The following VWC2L variants were observed in gnomAD, a reference collection of about 807,000 sequenced individuals.
VWC2L encodes the protein von Willebrand factor C domain containing 2 like, also known as von Willebrand factor C domain-containing protein 2-like.
VWC2L carries 10 observed loss-of-function variants against 21.6 expected under a neutral mutation model. The observed-to-expected ratio is 0.46, with a 90% confidence interval of 0.29 to 0.78. VWC2L has a LOEUF of 0.78. Among genes scored for constraint, VWC2L ranks in the 30% least tolerant of loss-of-function variants. The pLI is 0.10. For missense variants in VWC2L, 209 were observed against 277.1 expected (o/e 0.75, Z 1.74); for synonymous variants, 96 against 94.3 (o/e 1.02, Z -0.10).
At chr2:214,562,779 G>A (rs1405033193) in intron 3 of VWC2L, among the ~76,000 whole-genome samples, 2 of 152,164 alleles carry the variant, frequency 1.3e-5, no homozygotes, top group Non-Finnish European at 2.9e-5. Flanking sequence ...TTTGAGAAGT[G>A]TCTGTTCACG....
intron 3 of VWC2L, among the ~76,000 whole-genome samples, chr2:214,448,710 T>A (rs1385860443): frequency 6.6e-6 from 1 of 152,234 alleles, no homozygotes; most frequent in Non-Finnish European, 1.5e-5. Context: ...TCATTCTCAA[T>A]GATTTATCAA....
At chr2:214,508,369 C>T (rs1689000188) in intron 3 of VWC2L, among the ~76,000 whole-genome samples, 1 of 152,170 alleles carries the variant, frequency 6.6e-6, no homozygotes, top group Non-Finnish European at 1.5e-5. Context: ...GATGAAGATG[C>T]TACTGTCTCT....
intron 3 of VWC2L, among the ~76,000 whole-genome samples, chr2:214,465,701 A>G (rs150405218): frequency 2.2e-4 from 34 of 152,212 alleles, no homozygotes; most frequent in African/African-American, 8.2e-4. Context: ...CCAGGAATTG[A>G]AGTCCTTGTG....
In VWC2L at chr2:214,571,417, T is replaced by C. The variant is rs567133562; in HGVS notation, c.521-4255T>C. Among the ~76,000 whole-genome samples the C allele has an allele frequency of 2.0e-5, 3 of 152,332 alleles. No individual in the cohort carries two copies. In the East Asian group the frequency reaches 5.8e-4, roughly 29 times the overall value. ...GTAATAATTAAACGAGACAAATTCC[T>C]GGCTTGAAGTAAATGTTCAAGAAAT... On this transcript the variant is annotated intron_variant, in intron 3 of 3. Coordinates refer to ENST00000312504, the MANE Select transcript of VWC2L (RefSeq NM_001080500.4).
chr2:214,475,222 G>C (rs1273345633), intron 3 of VWC2L, among the ~76,000 whole-genome samples: 3 of 152,216 alleles, frequency 2.0e-5, no homozygotes, highest in Admixed American at 2.0e-4. Flanking sequence ...TAGAATTGTA[G>C]CATTTTATGC....
intron 3 of VWC2L, among the ~76,000 whole-genome samples, chr2:214,439,065 G>A (rs1027481241): frequency 2.0e-5 from 3 of 151,868 alleles, no homozygotes; most frequent in Non-Finnish European, 2.9e-5. Context: ...ATTAAATGCC[G>A]CTAGTTAGTC....
At chr2:214,536,188 T>G (rs1689526609) in intron 3 of VWC2L, among the ~76,000 whole-genome samples, 1 of 152,140 alleles carries the variant, frequency 6.6e-6, no homozygotes, top group Non-Finnish European at 1.5e-5. Flanking sequence ...AATTAAAGAT[T>G]TGATTTTTTT....
At chr2:214,459,589 TA>T (rs929727171) in intron 3 of VWC2L, among the ~76,000 whole-genome samples, 5 of 152,212 alleles carry the variant, frequency 3.3e-5, no homozygotes, top group African/African-American at 1.2e-4. Flanking sequence ...TGAGGGTTGA[TA>T]TTGTCCTTTC....
chr2:214,557,236 A>C (rs1664604954), intron 3 of VWC2L, among the ~76,000 whole-genome samples: 1 of 152,160 alleles, frequency 6.6e-6, no homozygotes, highest in South Asian at 2.1e-4. Context: ...TCACGGCAGA[A>C]GGCAACTCTT....
intron 3 of VWC2L, among the ~76,000 whole-genome samples, chr2:214,512,167 G>A (rs10171119): frequency 0.79 from 119,739 of 152,066 alleles, 48,828 homozygotes; most frequent in East Asian, 0.99. Flanking sequence ...TTCTACAACA[G>A]ATTTGCTAGC....
intron 3 of VWC2L, among the ~76,000 whole-genome samples, chr2:214,542,020 A>T (rs980981025): frequency 6.6e-6 from 1 of 151,952 alleles, no homozygotes; most frequent in Non-Finnish European, 1.5e-5. Context: ...ATTTTTGATC[A>T]CGTGGATGAG....
At chr2:214,528,217 A>G (rs1689374677) in intron 3 of VWC2L, among the ~76,000 whole-genome samples, 2 of 152,330 alleles carry the variant, frequency 1.3e-5, no homozygotes, top group African/African-American at 4.8e-5. Context: ...GCATTGCAAG[A>G]AAACACAATA....
At position 214,561,809 on chromosome 2, in the gene VWC2L, T is replaced by TATATATATATATAC. The variant is rs1489588765; in HGVS notation, c.521-13862_521-13861insTATATATATATACA. ...TTATATATATATATATATATATATA[T>TATATATATATATAC]ACACACACATATATAATTTTATATA... On this transcript the variant is annotated intron_variant, in intron 3 of 3. Coordinates refer to ENST00000312504, the MANE Select transcript of VWC2L (RefSeq NM_001080500.4). Among the ~76,000 whole-genome samples, 267 of 127,112 alleles carry TATATATATATATAC rather than the reference T, an allele frequency of 2.1e-3. 3 individuals are homozygous for TATATATATATATAC. The highest frequency in any genetic ancestry group is 2.3e-3 in the Non-Finnish European group (142 of 62,660). 83.4% of individuals were successfully genotyped at this position (127,112 alleles called of 152,430 possible).
intron 2 of VWC2L, among the ~76,000 whole-genome samples, chr2:214,431,765 A>G (rs1206515386): frequency 3.3e-5 from 5 of 152,208 alleles, no homozygotes; most frequent in Non-Finnish European, 5.9e-5. Context: ...AAATTGATAC[A>G]CATTATAAAA....
At chr2:214,441,472 T>G (rs942950418) in intron 3 of VWC2L, among the ~76,000 whole-genome samples, 2 of 152,162 alleles carry the variant, frequency 1.3e-5, no homozygotes, top group Admixed American at 6.5e-5. Context: ...TGTCAATTTT[T>G]TATTGATGAT....
chr2:214,573,003 T>C (rs1037873337), intron 3 of VWC2L, among the ~76,000 whole-genome samples: 5 of 152,146 alleles, frequency 3.3e-5, no homozygotes, highest in Non-Finnish European at 1.5e-5. Flanking sequence ...TCTAAATGAC[T>C]CTTAAGAAAT....
At chr2:214,562,956 T>C (rs1689999934) in intron 3 of VWC2L, among the ~76,000 whole-genome samples, 1 of 152,222 alleles carries the variant, frequency 6.6e-6, no homozygotes, top group Non-Finnish European at 1.5e-5. Flanking sequence ...AGATCTTTAA[T>C]TTAATTAGAT....
chr2:214,511,543 G>A (rs1689053118), intron 3 of VWC2L, among the ~76,000 whole-genome samples: 1 of 152,118 alleles, frequency 6.6e-6, no homozygotes, highest in South Asian at 2.1e-4. Context: ...GAATACTCAG[G>A]AAGAGGATGC....
intron 3 of VWC2L, among the ~76,000 whole-genome samples, chr2:214,482,685 G>C (rs576233789): frequency 1.4e-4 from 21 of 150,150 alleles, no homozygotes; most frequent in African/African-American, 5.1e-4. Context: ...TTAATGGCCA[G>C]GCACTGTGGT....
Sources: gnomAD v4.1 joint callset for allele counts (sites outside exome capture counted in the v4.1 genomes callset) on GRCh38, gnomAD v4.1.1 for gene constraint, MANE v1.5 for transcripts, NCBI Gene and HGNC (gene_info 2026-07-23, HGNC 2026-07-21) for gene names.